Variants in RELL1 observed in about 807,000 individuals in gnomAD.
The protein encoded by RELL1 is RELT like 1.
RELL1 carries 10 observed loss-of-function variants against 23.0 expected under a neutral mutation model. The observed-to-expected ratio is 0.43, with a 90% CI of 0.27 to 0.74. RELL1 has a LOEUF of 0.74. Ranked by LOEUF, RELL1 falls within the 30% of genes least tolerant of loss-of-function variation. The probability of loss-of-function intolerance (pLI) is 0.19; values close to 1 mark genes in which losing one functional copy is unlikely to be tolerated. For missense variants in RELL1, 315 were observed against 364.4 expected, an observed-to-expected ratio of 0.86 and a Z score of 1.10; for synonymous variants, 146 against 146.8, an observed-to-expected ratio of 0.99 and a Z score of 0.04.
intron 1 of RELL1, among the ~76,000 whole-genome samples, chr4:37,660,266 G>A (rs1353045262): frequency 2.0e-5 from 3 of 151,832 alleles, no homozygotes; most frequent in Non-Finnish European, 2.9e-5. Context: ...ACCTCCCTGG[G>A]CCTCAGTTTC....
At chr4:37,655,506 A>C (rs1721088411) in intron 1 of RELL1, among the ~76,000 whole-genome samples, 1 of 152,210 alleles carries the variant, frequency 6.6e-6, no homozygotes, top group Non-Finnish European at 1.5e-5. Flanking sequence ...GCTAAGGGAC[A>C]CCAAAGATTG....
At chr4:37,680,559 A>G (rs750411587) in intron 1 of RELL1, among the ~76,000 whole-genome samples, 1 of 152,256 alleles carries the variant, frequency 6.6e-6, no homozygotes, top group Non-Finnish European at 1.5e-5. Flanking sequence ...TCTGTGTAAC[A>G]TAAACTGAAA....
downstream of RELL1, among the ~76,000 whole-genome samples, chr4:37,610,375 G>T (rs1328994374): frequency 3.3e-5 from 5 of 152,048 alleles, no homozygotes; most frequent in Non-Finnish European, 5.9e-5. The surrounding 1 kb of genome is among the most constrained non-coding windows in gnomAD (Gnocchi z 4.1). Context: ...AAGCTCATGT[G>T]GCTGGCTTGA....
chr4:37,638,889 A>G (rs1230018956), intron 3 of RELL1, among the ~76,000 whole-genome samples: 1 of 152,248 alleles, frequency 6.6e-6, no homozygotes, highest in Non-Finnish European at 1.5e-5. Context: ...TGATAAATAT[A>G]CTTTGAAAAA....
chr4:37,598,834 A>G (rs1718944867), intron 6 of RELL1, among the ~76,000 whole-genome samples: 1 of 151,642 alleles, frequency 6.6e-6, no homozygotes, highest in Non-Finnish European at 1.5e-5. Flanking sequence ...ACAAGCGTGC[A>G]CCACCATGCC....
At chr4:37,604,639 A>G (rs1001939448) in intron 6 of RELL1, among the ~76,000 whole-genome samples, 6 of 152,114 alleles carry the variant, frequency 3.9e-5, no homozygotes, top group African/African-American at 1.4e-4. Context: ...ATGGTGACAA[A>G]TGACTCTGTG....
At chr4:37,669,187 G>T (rs1415520828) in intron 1 of RELL1, among the ~76,000 whole-genome samples, 1 of 139,228 alleles carries the variant, frequency 7.2e-6, no homozygotes, top group African/African-American at 3.0e-5. Context: ...GAGGTGGGGG[G>T]GGGGGTCAGC....
At chr4:37,680,656 T>TA (rs1207006377) in intron 1 of RELL1, among the ~76,000 whole-genome samples, 1 of 152,192 alleles carries the variant, frequency 6.6e-6, no homozygotes, top group Non-Finnish European at 1.5e-5. Context: ...AGAACGCAAT[T>TA]ACAGGCTCAT....
chr4:37,639,742 G>C (rs1704443189), intron 3 of RELL1, among the ~76,000 whole-genome samples: 1 of 152,202 alleles, frequency 6.6e-6, no homozygotes, highest in Non-Finnish European at 1.5e-5. Flanking sequence ...CTGTTCTCAT[G>C]ACTAACCACA....
At chr4:37,632,171 T>TTTG (rs140427880) in intron 5 of RELL1, among the ~76,000 whole-genome samples, 4 of 146,656 alleles carry the variant, frequency 2.7e-5, no homozygotes, top group Non-Finnish European at 5.9e-5. Context: ...TGATCAGTTT[T>TTTG]TTTGTTTATT....
intron 1 of RELL1, among the ~76,000 whole-genome samples, chr4:37,685,218 G>A (rs943112667): frequency 5.3e-5 from 8 of 152,202 alleles, no homozygotes; most frequent in Non-Finnish European, 7.3e-5. Context: ...AGTCACTGTT[G>A]AAAGGCTTCC....
chr4:37,610,534 A>G (rs1719341266), downstream of RELL1, among the ~76,000 whole-genome samples: 1 of 152,154 alleles, frequency 6.6e-6, no homozygotes, highest in African/African-American at 2.4e-5. This position sits in a 1 kb window ranked among gnomAD's most constrained non-coding sequence, Gnocchi z 4.1. Context: ...GACACAAGAA[A>G]TTCAGCACTG....
At chr4:37,673,049 A>G (rs1421305790) in intron 1 of RELL1, among the ~76,000 whole-genome samples, 6 of 152,172 alleles carry the variant, frequency 3.9e-5, no homozygotes, top group African/African-American at 1.4e-4. Context: ...CAAGAATTCA[A>G]TAGACAAGCT....
chr4:37,590,201 T>C (rs756803734), downstream of RELL1: 1 of 1,614,160 alleles, frequency 6.2e-7, no homozygotes. Flanking sequence ...AGCAGTGAAG[T>C]CTTGGTGCAG....
intron 6 of RELL1, among the ~76,000 whole-genome samples, chr4:37,601,943 G>A (rs1290801664): frequency 1.3e-5 from 2 of 152,096 alleles, no homozygotes; most frequent in East Asian, 3.9e-4. Context: ...GCTGGGCACA[G>A]TGGCTCATGC....
intron 1 of RELL1, chr4:37,665,185 A>T (rs1247287612): frequency 6.6e-6 from 3 of 453,714 alleles, no homozygotes; most frequent in Non-Finnish European, 1.3e-5. Context: ...GGTAGAACAG[A>T]ATATCCAGTG....
rs1418952835 is a variant in RELL1 at position 37,668,497 on chromosome 4, C to T, written c.88+17703G>A. On this transcript the variant is annotated intron_variant, in intron 1 of 6. Coordinates refer to ENST00000454158, the MANE Select transcript of RELL1 (RefSeq NM_001085400.2). Reference sequence around the variant, plus strand: ...CCTCCCGAGGTGCCGGGATTGCAGACGGAGTCTCCTTCACTCAGTGCTCAA... The same window carrying T: ...CCTCCCGAGGTGCCGGGATTGCAGATGGAGTCTCCTTCACTCAGTGCTCAA... Among the ~76,000 whole-genome samples, 36 of 151,994 alleles carry T rather than the reference C, an allele frequency of 2.4e-4. 1 individual carries two copies. The highest frequency in any genetic ancestry group is 2.2e-3 in the Admixed American group (33 of 15,270).
chr4:37,677,411 C>G (rs962224730), intron 1 of RELL1, among the ~76,000 whole-genome samples: 1 of 152,232 alleles, frequency 6.6e-6, no homozygotes, highest in Non-Finnish European at 1.5e-5. Context: ...CAGGACTCTG[C>G]TTCCTCCTCC....
At chr4:37,665,669 A>G (rs536439862) in intron 1 of RELL1, among the ~76,000 whole-genome samples, 1 of 152,344 alleles carries the variant, frequency 6.6e-6, no homozygotes, top group African/African-American at 2.4e-5. Flanking sequence ...AGGGCCAGAA[A>G]AAAACCATCA....
Sources: gnomAD v4.1 joint callset for allele counts (sites outside exome capture counted in the v4.1 genomes callset) on GRCh38, gnomAD v4.1.1 for gene constraint, Gnocchi (gnomAD v3.1) non-coding constraint, MANE v1.5 for transcripts, NCBI Gene and HGNC (gene_info 2026-07-23, HGNC 2026-07-21) for gene names.